Variants in ITGAV observed in about 807,000 individuals in gnomAD.
ITGAV encodes the protein integrin subunit alpha V.
Under a neutral mutation model 143.8 loss-of-function variants are expected in ITGAV, and 76 were observed. The observed-to-expected ratio is 0.53, with a 90% confidence interval of 0.44 to 0.64. ITGAV has a LOEUF of 0.64. Ranked by LOEUF, ITGAV falls within the 30% of genes least tolerant of loss-of-function variation. The pLI is 0.00. For synonymous variants in ITGAV, 453 were observed against 446.7 expected (o/e 1.01, Z -0.18); for missense variants, 1,193 against 1,274.7 (o/e 0.94, Z 0.98).
chr2:186,639,589 A>G (rs988274149), intron 10 of ITGAV, among the ~76,000 whole-genome samples: 2 of 152,074 alleles, frequency 1.3e-5, no homozygotes, highest in African/African-American at 4.8e-5. Flanking sequence ...TCCTTCCACT[A>G]TTGGGAAGTG....
At chr2:186,667,521 C>T in intron 23 of ITGAV, 150 bp from the exon 24 acceptor site, 1 of 523,088 alleles carries the variant, frequency 1.9e-6, no homozygotes, top group Non-Finnish European at 3.4e-6. Flanking sequence ...AGTTTTTGTG[C>T]ATGTGTGTGT....
chr2:186,659,148 G>A lies in ITGAV; in HGVS notation c.1830G>A (p.Gln610=). ...CAGGCTTGCAACCCATTCTTAACCA[G>A]TTCACGCCTGCTAACATTAGTCGAC... The part of the protein sequence containing the change: ...DTTGLQPILN[Q]FTPANISRQA... The change falls in exon 18 of 30, where the codon CAG becomes CAA. Residue 610 remains glutamine, a synonymous_variant. Transcript: ENST00000261023. 1 of 1,610,114 alleles carries A rather than the reference G, an allele frequency of 6.2e-7. No individual in the cohort carries two copies. The highest frequency in any genetic ancestry group is 8.5e-7 in the Non-Finnish European group (1 of 1,177,942).
rs1689286008 is a variant in ITGAV, at chr2:186,678,995, G to A, written c.*1703G>A. ...ACTCTAGACAAAACCTTCTATTTTA[G>A]CTTTAGTGAATTTCAAAAGTAATGG... On this transcript the variant is annotated 3_prime_UTR_variant, in exon 30 of 30. Coordinates refer to ENST00000261023, the MANE Select transcript of ITGAV (RefSeq NM_002210.5). 8.0e-6 allele frequency: 2 copies of A among 248,596 alleles called. No individual in the cohort carries two copies. The highest frequency in any genetic ancestry group is 5.3e-5 in the Admixed American group (1 of 18,838). 15.4% of individuals were successfully genotyped at this position (248,596 alleles called of 1,614,324 possible). A position where few individuals can be genotyped will look rare whatever the true frequency, so the allele number is the denominator to read the frequency against.
rs761276322 is a variant in ITGAV, at chr2:186,640,957, A to G, written c.946A>G (p.Asn316Asp). 1.9e-6 allele frequency: 3 copies of G among 1,595,882 alleles called. No individual in the cohort carries two copies. The highest frequency in any genetic ancestry group is 2.6e-6 in the Non-Finnish European group (3 of 1,168,214). ...ATTTTCTGTAGCTGCCACTGACATT[A>G]ATGGAGATGAGTAAGTTTAAAAAAA... is the stretch of plus-strand genomic sequence containing the variant. ...FGFSVAATDI[N>D]GDDYADVFIG... Residue 316 changes from asparagine (N) to aspartate (D), a missense_variant, in exon 11 of 30, where the codon AAT becomes GAT. Coordinates refer to ENST00000261023, the MANE Select transcript of ITGAV (RefSeq NM_002210.5).
chr2:186,670,853 T>C (rs1375930843), intron 26 of ITGAV, among the ~76,000 whole-genome samples: 2 of 152,204 alleles, frequency 1.3e-5, no homozygotes, highest in African/African-American at 4.8e-5. Context: ...CTAATAGGAA[T>C]CTCAAACAAT....
chr2:186,667,378 G>A (rs1156980088), intron 23 of ITGAV, 148 bp downstream of exon 23: 16 of 615,296 alleles, frequency 2.6e-5, no homozygotes, highest in Non-Finnish European at 4.2e-5. Context: ...TAAAATCCTA[G>A]GTATGTTCCA....
intron 6 of ITGAV, among the ~76,000 whole-genome samples, chr2:186,635,618 T>C (rs1017848047): frequency 6.6e-6 from 1 of 152,250 alleles, no homozygotes; most frequent in Non-Finnish European, 1.5e-5. Flanking sequence ...TCTTGTCTGC[T>C]TAATAACAAG....
At chr2:186,627,735 G>A (rs1687711576) in intron 4 of ITGAV, among the ~76,000 whole-genome samples, 3 of 152,226 alleles carry the variant, frequency 2.0e-5, no homozygotes, top group East Asian at 3.9e-4. Flanking sequence ...GCCACACTGT[G>A]TGGCTCCTGA....
At position 186,655,113 on chromosome 2, in the gene ITGAV, AAGG is replaced by A. The variant is rs556696724; in HGVS notation, c.1564+411_1564+413del. Among the ~76,000 whole-genome samples, 127 of 152,290 alleles carry A rather than the reference AAGG, an allele frequency of 8.3e-4. 1 individual carries two copies. The highest frequency in any genetic ancestry group is 3.7e-3 in the Admixed American group (57 of 15,290). On this transcript the variant is annotated intron_variant, in intron 16 of 29. Coordinates refer to ENST00000261023, the MANE Select transcript of ITGAV (RefSeq NM_002210.5). ...GTAGAGGTGGTTTAGAAATAGTGAG[AAGG>A]AGGAGAAAAAGTTTTGGTCATGCAA...
At chr2:186,630,747 T>G in intron 4 of ITGAV, 50 bp from the exon 5 acceptor site, 1 of 981,490 alleles carries the variant, frequency 1.0e-6, no homozygotes, top group East Asian at 2.4e-5. Context: ...TGTTTTGTTT[T>G]GTGTTGTTTG....
At position 186,668,833 on chromosome 2, in the gene ITGAV, T is replaced by TA; in HGVS notation, c.2507dup (p.Asn836LysfsTer10). The TA allele has an allele frequency of 6.2e-7, 1 of 1,613,282 alleles. No individual in the cohort carries two copies. Among genetic ancestry groups the TA allele is most frequent in the Non-Finnish European group, 8.5e-7 (1 of 1,179,302 alleles). ...TTCAGTGGCCTTACAAATATAATAA[T>TA]AACACTCTGTTGTATATCCTTCATT... On this transcript the variant is annotated frameshift_variant, in exon 25 of 30. Transcript: ENST00000261023. LOFTEE classifies it high-confidence loss of function.
Position 186,656,229 on chromosome 2 carries a change from A to G in ITGAV, c.1565-18A>G. 1 of 1,570,414 alleles carries G rather than the reference A, an allele frequency of 6.4e-7. No individual in the cohort carries two copies. Among genetic ancestry groups the G allele is most frequent in the Non-Finnish European group, 8.6e-7 (1 of 1,163,396 alleles). On this transcript the variant is annotated intron_variant, in intron 16 of 29. Coordinates refer to ENST00000261023, the MANE Select transcript of ITGAV (RefSeq NM_002210.5). ...TCCATAAAGAATATGTTGGTTATAAATCCTTTGGTTTACATAGATTTCCAG... is the reference window on the plus strand; with the variant it reads ...TCCATAAAGAATATGTTGGTTATAAGTCCTTTGGTTTACATAGATTTCCAG...
intron 14 of ITGAV, among the ~76,000 whole-genome samples, chr2:186,650,388 C>A (rs1225304792): frequency 6.6e-6 from 1 of 151,988 alleles, no homozygotes; most frequent in Non-Finnish European, 1.5e-5. Context: ...TTAGTAGAGA[C>A]AGGGTTTTGC....
At chr2:186,635,314 T>C (rs544647749) in intron 6 of ITGAV, among the ~76,000 whole-genome samples, 1 of 152,332 alleles carries the variant, frequency 6.6e-6, no homozygotes, top group East Asian at 1.9e-4. Context: ...TGAATTTTCC[T>C]CTGTTCTTCA....
In ITGAV at chr2:186,675,639, C is replaced by T; in HGVS notation, c.2742C>T (p.Cys914=). The T allele has an allele frequency of 1.9e-6, 3 of 1,613,934 alleles. No homozygotes were observed. Among genetic ancestry groups the T allele is most frequent in the East Asian group, 2.2e-5 (1 of 44,856 alleles). Residue 914 remains cysteine (C), a synonymous_variant, in exon 27 of 30, where the codon TGC becomes TGT. Coordinates refer to ENST00000261023, the MANE Select transcript of ITGAV (RefSeq NM_002210.5). ...CGVAQCLKIV[C]QVGRLDRGKS... ...TTGCTCAGTGCTTGAAGATTGTCTG[C>T]CAAGTTGGGAGATTAGACAGAGGAA...
intron 5 of ITGAV, among the ~76,000 whole-genome samples, chr2:186,631,291 T>A (rs954523190): frequency 6.6e-6 from 1 of 152,208 alleles, no homozygotes; most frequent in Non-Finnish European, 1.5e-5. Flanking sequence ...CCATCTATTA[T>A]GTGCCTATAG....
chr2:186,676,211 GA>G, intron 28 of ITGAV: 1 of 257,864 alleles, frequency 3.9e-6, no homozygotes, highest in Non-Finnish European at 7.3e-6. Context: ...TACAAAGTTA[GA>G]AAGTTGGAAA....
intron 10 of ITGAV, among the ~76,000 whole-genome samples, chr2:186,640,673 GATATACATGTAATATATTGTGT>G (rs978977798): frequency 3.9e-5 from 6 of 152,058 alleles, no homozygotes; most frequent in Non-Finnish European, 7.4e-5. Flanking sequence ...ACACTGGAAG[GATATACATGTAATATATTGTGT>G]ATATACATGT....
At chr2:186,617,103 G>A (rs1371862315) in intron 2 of ITGAV, among the ~76,000 whole-genome samples, 1 of 151,636 alleles carries the variant, frequency 6.6e-6, no homozygotes, top group Non-Finnish European at 1.5e-5. Context: ...AAGTCATAGT[G>A]ATAAATAGGA....
Sources: allele counts gnomAD v4.1 joint callset (sites outside exome capture counted in the v4.1 genomes callset), GRCh38; gene constraint gnomAD v4.1.1; transcripts MANE v1.5; gene names NCBI Gene and HGNC (gene_info 2026-07-23, HGNC 2026-07-21).